Variants in GRIN2B observed in about 807,000 individuals in gnomAD.
GRIN2B encodes glutamate receptor ionotropic, NMDA 2B.
A neutral mutation model predicts 114.5 loss-of-function variants in GRIN2B; 5 were observed. The observed-to-expected ratio is 0.04, with a 90% CI of 0.02 to 0.09. GRIN2B has a LOEUF of 0.09. Among genes scored for constraint, GRIN2B ranks in the 10% least tolerant of loss-of-function variants. The pLI, the probability that GRIN2B is intolerant of heterozygous loss-of-function variation, is 1.00. For synonymous variants in GRIN2B, 787 were observed against 745.1 expected (o/e 1.06, Z -0.92); for missense variants, 1,108 against 1,943.5 (o/e 0.57, Z 8.08).
At chr12:13,740,931 T>C (rs17833849) in intron 4 of GRIN2B, among the ~76,000 whole-genome samples, 24,843 of 152,168 alleles carry the variant, frequency 0.16, 2,573 homozygotes, top group Non-Finnish European at 0.24. Context: ...GTGTGGGAAG[T>C]CTTTACCATG....
intron 2 of GRIN2B, among the ~76,000 whole-genome samples, chr12:13,930,194 G>A (rs1481844011): frequency 6.6e-6 from 1 of 151,892 alleles, no homozygotes; most frequent in African/African-American, 2.4e-5. Context: ...ACAATAAATA[G>A]ATAAATAAAT....
intron 2 of GRIN2B, among the ~76,000 whole-genome samples, chr12:13,978,275 G>A (rs1863063969): frequency 6.6e-6 from 1 of 152,198 alleles, no homozygotes; most frequent in Admixed American, 6.5e-5. Context: ...AGCAGATGGA[G>A]AATGAGTTCA....
chr12:13,615,482 T>G lies in GRIN2B; in HGVS notation c.1500+11A>C. On this transcript the variant is annotated intron_variant, in intron 7 of 13. Coordinates refer to ENST00000609686, the MANE Select transcript of GRIN2B (RefSeq NM_000834.5). The surrounding 1 kb of genome is among the most constrained non-coding windows in gnomAD (Gnocchi z 5.8). ...AAAATGGAAATGGAAACAGCCCTTG[T>G]GGACACTCACCTCTCCAATCATACC... 6.2e-7 allele frequency: 1 copy of G among 1,608,856 alleles called. No individual in the cohort carries two copies.
chr12:13,842,017 G>A (rs1865387972), intron 3 of GRIN2B, among the ~76,000 whole-genome samples: 1 of 152,056 alleles, frequency 6.6e-6, no homozygotes, highest in African/African-American at 2.4e-5. Flanking sequence ...TCTCCTCTAA[G>A]CAACTGGCAA....
At chr12:13,607,309 A>G in intron 10 of GRIN2B, among the ~76,000 whole-genome samples, 1 of 73,524 alleles carries the variant, frequency 1.4e-5, no homozygotes, top group Non-Finnish European at 2.5e-5. Context: ...TATATATTAT[A>G]TATAATATAA....
At chr12:13,719,737 C>G (rs1950490706) in intron 4 of GRIN2B, among the ~76,000 whole-genome samples, 1 of 151,992 alleles carries the variant, frequency 6.6e-6, no homozygotes, top group African/African-American at 2.4e-5. Flanking sequence ...CTAACTTGTC[C>G]CTTTGGAAGT....
Position 13,569,865 on chromosome 12 carries a change from T to C in GRIN2B, c.2324A>G (p.Gln775Arg). The part of the protein sequence containing the change: ...AIQKDSGWKR[Q>R]VDLAILQLFG... The stretch of plus-strand genomic sequence containing the variant: ...GAGCTGCAGGATAGCAAGGTCCACC[T>C]GGCGCTTCCACCCAGAATCTTTTTG... The change falls in exon 12 of 14, where the codon CAG (glutamine) becomes CGG (arginine). Residue 775 changes from glutamine (Q) to arginine (R), a missense_variant. This residue lies in a region of GRIN2B where 35 missense variants were observed against 194.7 expected (regional missense o/e 0.18). Transcript: ENST00000609686. The C allele has an allele frequency of 6.2e-7, 1 of 1,611,120 alleles. No individual in the cohort carries two copies. The highest frequency in any genetic ancestry group is 8.5e-7 in the Non-Finnish European group (1 of 1,178,378).
intron 2 of GRIN2B, among the ~76,000 whole-genome samples, chr12:13,970,062 A>G (rs1012996435): frequency 1.3e-5 from 2 of 152,202 alleles, no homozygotes; most frequent in Non-Finnish European, 2.9e-5. Flanking sequence ...CACTTTGGCC[A>G]GGCTGGTCTC....
At chr12:13,597,261 T>A (rs2136449974) in intron 10 of GRIN2B, among the ~76,000 whole-genome samples, 1 of 152,276 alleles carries the variant, frequency 6.6e-6, no homozygotes, top group Middle Eastern at 3.4e-3. Flanking sequence ...GCACGGAATC[T>A]AAGGCCAATT....
chr12:13,774,602 A>ATCATTT (rs2136649166), intron 3 of GRIN2B, among the ~76,000 whole-genome samples: 1 of 152,346 alleles, frequency 6.6e-6, no homozygotes, highest in South Asian at 2.1e-4. Context: ...AAGAGTAAAT[A>ATCATTT]TCATTTTTAA....
At position 13,544,344 on chromosome 12, in the gene GRIN2B, T is replaced by G. The variant is rs1948318541; in HGVS notation, c.*18439A>C. The G allele has an allele frequency of 6.6e-6, 1 of 152,302 alleles. No homozygotes were observed. The highest frequency in any genetic ancestry group is 2.4e-5 in the African/African-American group (1 of 41,438). 9.4% of individuals were successfully genotyped at this position (152,302 alleles called of 1,614,324 possible). ...AACCACTCCTCCCATTGCTGGTCCC[T>G]TCTCATCTCCTGGAGCTTTGAACAA... On this transcript the variant is annotated 3_prime_UTR_variant, in exon 14 of 14. Coordinates refer to ENST00000609686, the MANE Select transcript of GRIN2B (RefSeq NM_000834.5).
At chr12:13,938,505 C>T (rs948105385) in intron 2 of GRIN2B, among the ~76,000 whole-genome samples, 4 of 152,088 alleles carry the variant, frequency 2.6e-5, no homozygotes, top group Non-Finnish European at 5.9e-5. Flanking sequence ...ATCCACTTGT[C>T]CATAAATAGT....
chr12:13,826,407 G>A (rs954039637), intron 3 of GRIN2B, among the ~76,000 whole-genome samples: 3 of 152,062 alleles, frequency 2.0e-5, no homozygotes, highest in African/African-American at 7.2e-5. Flanking sequence ...GGAGGCGGAG[G>A]TTGCGGTGAG....
intron 3 of GRIN2B, among the ~76,000 whole-genome samples, chr12:13,756,230 G>T (rs1326577852): frequency 1.3e-5 from 2 of 151,984 alleles, no homozygotes; most frequent in South Asian, 4.2e-4. Context: ...TGGCCAGGCT[G>T]GTCTTGAACT....
intron 2 of GRIN2B, among the ~76,000 whole-genome samples, chr12:13,921,327 G>C (rs1680956233): frequency 6.6e-6 from 1 of 152,134 alleles, no homozygotes; most frequent in Admixed American, 6.6e-5. Context: ...GAACCCGGGA[G>C]GCAGAAGTTG....
rs137981037 is a variant in GRIN2B at position 13,849,787 on chromosome 12, C to T, written c.411+16011G>A. Among the ~76,000 whole-genome samples the T allele has an allele frequency of 2.9e-3, 448 of 152,240 alleles. 6 individuals carry two copies. The highest frequency in any genetic ancestry group is 0.014 in the Middle Eastern group (4 of 294). On this transcript the variant is annotated intron_variant, in intron 3 of 13. Transcript: ENST00000609686. ...TCATTACCGACAAATACACACTGAG[C>T]ACACCTCGTGTGCTCTGTGTTGTCC...
chr12:13,564,570 T>C lies in GRIN2B; in HGVS notation c.2668A>G (p.Thr890Ala). The C allele has an allele frequency of 1.9e-6, 3 of 1,614,114 alleles. No individual in the cohort carries two copies. Among genetic ancestry groups the C allele is most frequent in the South Asian group, 1.1e-5 (1 of 91,082 alleles). ...RQSVMNSPTATMNNTHSNILR... is the reference protein window; with the variant it reads ...RQSVMNSPTAAMNNTHSNILR... ...ATGTTGGAGTGTGTGTTGTTCATGG[T>C]TGCGGTGGGGGAGTTCATTACAGAC... The change falls in exon 14 of 14, where the codon ACC becomes GCC. Residue 890 changes from threonine (T) to alanine (A), a missense_variant. Physicochemically the swap from Thr to Ala is moderately conservative, Grantham distance 58 (BLOSUM62 0). Coordinates refer to ENST00000609686, the MANE Select transcript of GRIN2B (RefSeq NM_000834.5). This position sits in a 1 kb window ranked among gnomAD's most constrained non-coding sequence, Gnocchi z 4.8.
At chr12:13,785,126 T>C (rs1379433757) in intron 3 of GRIN2B, among the ~76,000 whole-genome samples, 1 of 152,226 alleles carries the variant, frequency 6.6e-6, no homozygotes, top group Non-Finnish European at 1.5e-5. Context: ...GGAATCCTTA[T>C]CATTAATTCA....
intron 4 of GRIN2B, among the ~76,000 whole-genome samples, chr12:13,720,053 G>A (rs148825274): frequency 6.6e-6 from 1 of 152,158 alleles, no homozygotes; most frequent in Admixed American, 6.5e-5. Flanking sequence ...ACAGTGTGAG[G>A]GGAGCATGAT....
Sources: gnomAD v4.1 joint callset for allele counts (sites outside exome capture counted in the v4.1 genomes callset) on GRCh38, gnomAD v4.1.1 for gene constraint, gnomAD v4.1.1 regional missense constraint, Gnocchi (gnomAD v3.1) non-coding constraint, MANE v1.5 for transcripts, NCBI Gene and HGNC (gene_info 2026-07-23, HGNC 2026-07-21) for gene names.